The following TEF variants were observed in gnomAD, a reference collection of about 807,000 sequenced individuals.
TEF encodes TEF transcription factor, PAR bZIP family member, also known as thyrotroph embryonic factor.
In TEF, 3 loss-of-function variants were observed where a neutral mutation model predicts 20.8. That is an observed-to-expected ratio of 0.14 (90% CI 0.07 to 0.37). TEF has a LOEUF of 0.37. TEF is among the 10% of genes least tolerant of loss of function. TEF has a pLI of 1.00. For missense variants in TEF, 296 were observed against 397.9 expected (o/e 0.74, Z 2.18); for synonymous variants, 180 against 171.1 (o/e 1.05, Z -0.41).
intron 1 of TEF, among the ~76,000 whole-genome samples, chr22:41,382,583 A>C (rs1051372519): frequency 1.3e-5 from 2 of 152,018 alleles, no homozygotes; most frequent in Non-Finnish European, 2.9e-5. Context: ...GGGGTCTTGC[A>C]TTTTAAGGAG....
chr22:41,373,481 T>C (rs1419091010), intron 1 of TEF, among the ~76,000 whole-genome samples: 1 of 152,122 alleles, frequency 6.6e-6, no homozygotes, highest in Non-Finnish European at 1.5e-5. Context: ...TATTTTTCTT[T>C]TTTTTTTAGA....
intron 1 of TEF, among the ~76,000 whole-genome samples, chr22:41,384,770 G>A (rs1355579161): frequency 6.6e-6 from 1 of 151,088 alleles, no homozygotes; most frequent in Non-Finnish European, 1.5e-5. Flanking sequence ...TTTTTCTTTC[G>A]AGACAGACTT....
At chr22:41,380,894 A>C (rs1489213679), upstream of TEF, among the ~76,000 whole-genome samples, 1 of 152,236 alleles carries the variant, frequency 6.6e-6, no homozygotes, top group Non-Finnish European at 1.5e-5. Flanking sequence ...GGAGAGTTCT[A>C]GAAAGGAAAA....
chr22:41,373,098 G>C (rs2036902381), intron 1 of TEF, among the ~76,000 whole-genome samples: 1 of 152,156 alleles, frequency 6.6e-6, no homozygotes, highest in South Asian at 2.1e-4. Context: ...CTATTCTTGG[G>C]GAAGTGGCTG....
At chr22:41,381,717 G>A (rs1213332789), upstream of TEF, among the ~76,000 whole-genome samples, 6 of 151,832 alleles carry the variant, frequency 4.0e-5, no homozygotes, top group East Asian at 1.2e-3. Context: ...GCGGCGGGGC[G>A]GGGCCTCCGC....
At position 41,387,488 on chromosome 22, in the gene TEF, A is replaced by C. The variant is rs144652212; in HGVS notation, c.295A>C (p.Met99Leu). ...YDGESFHLEY[M>L]DLDEFLLENG... is the part of the protein sequence containing the mutation. Reference sequence around the variant, plus strand: ...TGGCGAATCTTTCCACCTGGAGTACATGGACCTGGATGAGTTCCTGCTGGA... The same window carrying C: ...TGGCGAATCTTTCCACCTGGAGTACCTGGACCTGGATGAGTTCCTGCTGGA... Residue 99 changes from methionine to leucine, a missense_variant, in exon 2 of 4, where the codon ATG (methionine) becomes CTG (leucine). Around this residue, in one of 2 missense-constraint regions of TEF, gnomAD observed 194 missense variants for 317.8 expected, o/e 0.61. Coordinates refer to ENST00000266304, the MANE Select transcript of TEF (RefSeq NM_003216.4). 1 of 1,614,196 alleles carries C rather than the reference A, an allele frequency of 6.2e-7. No homozygotes were observed. Among genetic ancestry groups the C allele is most frequent in the African/African-American group, 1.3e-5 (1 of 75,048 alleles).
upstream of TEF, among the ~76,000 whole-genome samples, chr22:41,377,903 T>C (rs192523414): frequency 6.6e-6 from 1 of 152,182 alleles, no homozygotes; most frequent in East Asian, 1.9e-4. Flanking sequence ...ATGAGTGGAG[T>C]AGGCATTATT....
intron 1 of TEF, among the ~76,000 whole-genome samples, chr22:41,370,350 T>C (rs1371550420): frequency 6.6e-6 from 1 of 150,378 alleles, no homozygotes; most frequent in African/African-American, 2.5e-5. Context: ...CTTGACCTCA[T>C]GATCCGCCCG....
At chr22:41,388,290 G>A (rs1308387040) in intron 2 of TEF, among the ~76,000 whole-genome samples, 1 of 151,942 alleles carries the variant, frequency 6.6e-6, no homozygotes, top group African/African-American at 2.4e-5. Flanking sequence ...AAGCTACCAC[G>A]CACAGCCTTA....
Position 41,398,886 on chromosome 22 carries a change from C to T in TEF, c.*2926C>T, listed in dbSNP as rs1009395051. 1 of 152,598 alleles carries T rather than the reference C, an allele frequency of 6.6e-6. No individual in the cohort carries two copies. The highest frequency in any genetic ancestry group is 2.4e-5 in the African/African-American group (1 of 41,436). 9.5% of individuals were successfully genotyped at this position (152,598 alleles called of 1,614,324 possible). On this transcript the variant is annotated 3_prime_UTR_variant, in exon 4 of 4. Coordinates refer to ENST00000266304, the MANE Select transcript of TEF (RefSeq NM_003216.4). The stretch of plus-strand genomic sequence containing the variant: ...CCGTGCTCCTTGGAACGCAAAGGGC[C>T]GAGGAGCATCTGGTTTTCATGGCAA...
intron 1 of TEF, among the ~76,000 whole-genome samples, chr22:41,376,507 C>CT (rs1187009127): frequency 6.6e-6 from 1 of 152,212 alleles, no homozygotes; most frequent in Non-Finnish European, 1.5e-5. Context: ...GGATTACAGG[C>CT]TTGAGCCATC....
At chr22:41,385,980 C>T (rs141767258) in intron 1 of TEF, among the ~76,000 whole-genome samples, 2,879 of 152,012 alleles carry the variant, frequency 0.019, 86 homozygotes, top group African/African-American at 0.065. Context: ...CCACCGCCCC[C>T]GGTACCTGGC....
chr22:41,381,933 G>T (rs563298443), upstream of TEF: 15 of 1,226,324 alleles, frequency 1.2e-5, no homozygotes, highest in African/African-American at 1.6e-5. Flanking sequence ...GGCGCCATTG[G>T]GCGCCTGCGC....
chr22:41,379,576 G>T (rs1364699056), upstream of TEF, among the ~76,000 whole-genome samples: 5 of 151,482 alleles, frequency 3.3e-5, no homozygotes, highest in South Asian at 1.0e-3. Context: ...GGCATAAAAG[G>T]AAAAAACGCT....
intron 3 of TEF, among the ~76,000 whole-genome samples, chr22:41,394,978 C>G (rs1272168152): frequency 6.6e-6 from 1 of 152,056 alleles, no homozygotes; most frequent in Non-Finnish European, 1.5e-5. Context: ...TCACTGTAGG[C>G]CAGGCACTGA....
chr22:41,372,269 C>CA lies in TEF; in HGVS notation c.67+4671dup, dbSNP rs2036891456. Among the ~76,000 whole-genome samples the CA allele has an allele frequency of 2.0e-5, 3 of 152,238 alleles. No homozygotes were observed. The South Asian group carries it at 6.2e-4, about 32-fold the overall frequency. ...AGAGCCTTCTTCTCTACCTGCCCCC[C>CA]ACCCCATCCCTTCAGAGAAATGTGA... On this transcript the variant is annotated intron_variant, in intron 1 of 3. Coordinates refer to the TEF transcript ENST00000406644.
chr22:41,369,178 A>G (rs1241344774), intron 1 of TEF: 6 of 985,118 alleles, frequency 6.1e-6, no homozygotes, highest in Non-Finnish European at 7.2e-6. Flanking sequence ...TGAGGATAAC[A>G]AGGCCTTTGA....
chr22:41,381,091 G>A (rs957675922), upstream of TEF, among the ~76,000 whole-genome samples: 2 of 152,244 alleles, frequency 1.3e-5, no homozygotes, highest in African/African-American at 4.8e-5. Flanking sequence ...CTCCACGCTA[G>A]TGTTGATCTG....
Position 41,381,996 on chromosome 22 carries a change from C to T in TEF, c.-49C>T, listed in dbSNP as rs1291452374. On this transcript the variant is annotated 5_prime_UTR_variant, in exon 1 of 4. Transcript: ENST00000266304. ...CGGGTCGCACGGCTCCGGCCCATCT[C>T]GGGGGGCGGGCGGGGGAGGCGAGGT... is the stretch of plus-strand genomic sequence containing the variant. The T allele has an allele frequency of 3.1e-5, 38 of 1,225,672 alleles. No individual in the cohort carries two copies. The highest frequency in any genetic ancestry group is 4.1e-5 in the South Asian group (1 of 24,164). 75.9% of individuals were successfully genotyped at this position (1,225,672 alleles called of 1,614,324 possible).
Sources: gnomAD v4.1 joint callset for allele counts (sites outside exome capture counted in the v4.1 genomes callset) on GRCh38, gnomAD v4.1.1 for gene constraint, gnomAD v4.1.1 regional missense constraint, MANE v1.5 for transcripts, NCBI Gene and HGNC (gene_info 2026-07-23, HGNC 2026-07-21) for gene names.